HIVEP1: variants seen among roughly 807,000 people sequenced by gnomAD.
HIVEP1 encodes HIVEP zinc finger 1.
HIVEP1 carries 36 observed loss-of-function variants against 180.0 expected under a neutral mutation model. The ratio of observed to expected loss-of-function variants is 0.20; its 90% CI spans 0.15 to 0.26. The LOEUF (loss-of-function observed/expected upper bound fraction) is 0.26, where lower values mean the gene tolerates loss of function less well. Ranked by LOEUF, HIVEP1 falls within the 10% of genes least tolerant of loss-of-function variation. The pLI, the probability that HIVEP1 is intolerant of heterozygous loss-of-function variation, is 1.00. For synonymous variants in HIVEP1, 1,239 were observed against 1,239.0 expected, an observed-to-expected ratio of 1.00 and a Z score of 0.00; for missense variants, 3,143 against 3,268.7, an observed-to-expected ratio of 0.96 and a Z score of 0.94.
chr6:12,158,068 C>T (rs1350616653), intron 7 of HIVEP1, among the ~76,000 whole-genome samples: 1 of 152,182 alleles, frequency 6.6e-6, no homozygotes, highest in East Asian at 1.9e-4. Context: ...TTTAAATTCT[C>T]AGTCATTTCT....
chr6:12,129,847 C>T lies in HIVEP1; in HGVS notation c.6164C>T (p.Ser2055Phe), dbSNP rs1242939707. The change falls in exon 5 of 9, where the codon TCC becomes TTC. Residue 2055 changes from serine (S) to phenylalanine (F), a missense_variant. This residue lies in a region of HIVEP1 where 1,357 missense variants were observed against 1,260.5 expected (regional missense o/e 1.08). Coordinates refer to ENST00000379388, the MANE Select transcript of HIVEP1 (RefSeq NM_002114.4). ...AACAGTGAGCAAGATAAAGAAAATT[C>T]CTTAATCAAAAGTGAACCAAGAAGA... is the stretch of plus-strand genomic sequence containing the variant. ...EINSEQDKEN[S>F]LIKSEPRRIK... 6.3e-7 allele frequency: 1 copy of T among 1,580,642 alleles called. No individual in the cohort carries two copies. Among genetic ancestry groups the T allele is most frequent in the South Asian group, 1.1e-5 (1 of 89,934 alleles).
chr6:12,037,957 C>G, intron 2 of HIVEP1: 1 of 387,992 alleles, frequency 2.6e-6, no homozygotes, highest in Non-Finnish European at 4.5e-6. Context: ...TCAAGTGAAC[C>G]TCCTGTGTTG....
chr6:12,169,820 ATATT>A (rs1288883981), downstream of HIVEP1, among the ~76,000 whole-genome samples: 2 of 152,158 alleles, frequency 1.3e-5, no homozygotes. Context: ...ACATTCGATA[ATATT>A]TATTTAGCAC....
chr6:12,093,391 T>G (rs964227552), intron 3 of HIVEP1, among the ~76,000 whole-genome samples: 1 of 151,714 alleles, frequency 6.6e-6, no homozygotes, highest in Non-Finnish European at 1.5e-5. Flanking sequence ...AACCTATTAA[T>G]TTCTTGATTT....
In HIVEP1 at chr6:12,164,073, G is replaced by T. The variant is rs1260814740; in HGVS notation, c.7769G>T (p.Ser2590Ile). 1 of 1,614,170 alleles carries T rather than the reference G, an allele frequency of 6.2e-7. No homozygotes were observed. Among genetic ancestry groups the T allele is most frequent in the Non-Finnish European group, 8.5e-7 (1 of 1,180,040 alleles). The change falls in exon 9 of 9, where the codon AGC becomes ATC. Residue 2590 changes from serine (S) to isoleucine (I), a missense_variant. Physicochemically the swap from Ser to Ile is moderately radical, Grantham distance 142. Transcript: ENST00000379388. ...CAACCCAAGCAGACTTCTGTAGCCA[G>T]CGCAAACCAGGTCAGCAGGACCGAG... ...ETQPKQTSVA[S>I]ANQVSRTESP...
At chr6:12,180,508 C>G in the HIVEP1 span, among the ~76,000 whole-genome samples, 2 of 152,114 alleles carry the variant, frequency 1.3e-5, no homozygotes, top group Admixed American at 1.3e-4. Context: ...CGGATTTGCT[C>G]TAATTGTCAG....
chr6:12,013,071 G>A (rs968981179), intron 1 of HIVEP1, among the ~76,000 whole-genome samples: 4 of 152,212 alleles, frequency 2.6e-5, no homozygotes, highest in African/African-American at 9.6e-5. Context: ...GGAGTTGCTG[G>A]CTGGAGAGGG....
chr6:12,210,508 A>G, the HIVEP1 span, among the ~76,000 whole-genome samples: 20 of 152,246 alleles, frequency 1.3e-4, no homozygotes, highest in Non-Finnish European at 2.9e-4. Context: ...AAAAGCCATC[A>G]ATAATGCTGT....
At chr6:12,064,149 A>C (rs372631775) in intron 2 of HIVEP1, among the ~76,000 whole-genome samples, 1 of 152,130 alleles carries the variant, frequency 6.6e-6, no homozygotes, top group South Asian at 2.1e-4. Context: ...ACACCAAATA[A>C]ATTTTTTTTA....
At chr6:12,155,839 A>G (rs1444307454) in intron 7 of HIVEP1, among the ~76,000 whole-genome samples, 1 of 152,228 alleles carries the variant, frequency 6.6e-6, no homozygotes, top group Non-Finnish European at 1.5e-5. Context: ...ACTGTCTTCC[A>G]CAATGGTTGA....
intron 2 of HIVEP1, among the ~76,000 whole-genome samples, chr6:12,029,254 AG>A (rs959530168): frequency 3.9e-5 from 6 of 152,162 alleles, no homozygotes; most frequent in African/African-American, 1.2e-4. Flanking sequence ...TATAGAGACT[AG>A]GGTTATTGTT....
At chr6:12,027,076 G>A (rs187858413) in intron 2 of HIVEP1, among the ~76,000 whole-genome samples, 7 of 152,296 alleles carry the variant, frequency 4.6e-5, no homozygotes, top group African/African-American at 1.4e-4. Context: ...TCATGCAACA[G>A]TGGCAGAGTT....
downstream of HIVEP1, among the ~76,000 whole-genome samples, chr6:12,168,352 TG>T (rs1562025040): frequency 2.3e-4 from 20 of 86,950 alleles, no homozygotes; most frequent in South Asian, 1.5e-3. Context: ...TACATGTATA[TG>T]TATATATTAT....
At chr6:12,127,058 T>A (rs1019525713) in intron 4 of HIVEP1, among the ~76,000 whole-genome samples, 1 of 152,122 alleles carries the variant, frequency 6.6e-6, no homozygotes, top group African/African-American at 2.4e-5. Context: ...TTTCGCCATG[T>A]CTGGTTTGGC....
At chr6:12,135,274 G>A (rs974233591) in intron 6 of HIVEP1, among the ~76,000 whole-genome samples, 1 of 152,358 alleles carries the variant, frequency 6.6e-6, no homozygotes, top group Admixed American at 6.5e-5. Flanking sequence ...AAACTGTTAA[G>A]GTCCCAGGCA....
At chr6:12,058,970 C>A (rs1317876465) in intron 2 of HIVEP1, among the ~76,000 whole-genome samples, 2 of 150,534 alleles carry the variant, frequency 1.3e-5, no homozygotes, top group African/African-American at 2.4e-5. Context: ...TTTTTGGAGA[C>A]AGAGTGTCAC....
At chr6:12,107,772 G>A (rs960789836) in intron 3 of HIVEP1, among the ~76,000 whole-genome samples, 2 of 152,174 alleles carry the variant, frequency 1.3e-5, no homozygotes, top group Non-Finnish European at 2.9e-5. Flanking sequence ...GGACCCGAGC[G>A]GGTTGCCACT....
At chr6:12,042,086 T>C (rs1277554710) in intron 2 of HIVEP1, among the ~76,000 whole-genome samples, 3 of 149,858 alleles carry the variant, frequency 2.0e-5, no homozygotes, top group Admixed American at 2.0e-4. Context: ...TTTTTTTTTT[T>C]TTTTGAGACG....
At chr6:12,065,303 A>T (rs977082092) in intron 2 of HIVEP1, among the ~76,000 whole-genome samples, 1 of 152,238 alleles carries the variant, frequency 6.6e-6, no homozygotes, top group African/African-American at 2.4e-5. Context: ...TTAGAGGGTG[A>T]TGCAGACATG....
Sources: allele counts gnomAD v4.1 joint callset (sites outside exome capture counted in the v4.1 genomes callset), GRCh38; gene constraint gnomAD v4.1.1; regional missense constraint gnomAD v4.1.1; transcripts MANE v1.5; gene names NCBI Gene and HGNC (gene_info 2026-07-23, HGNC 2026-07-21).